RGS6: variants seen among roughly 807,000 people sequenced by gnomAD.
RGS6 encodes the protein regulator of G protein signaling 6.
RGS6 carries 30 observed loss-of-function variants against 78.5 expected under a neutral mutation model. The ratio of observed to expected loss-of-function variants is 0.38; its 90% CI spans 0.29 to 0.52. The LOEUF is 0.52. Ranked by LOEUF, RGS6 falls within the 20% of genes least tolerant of loss-of-function variation. The pLI is 0.85. For missense variants in RGS6, 495 were observed against 609.7 expected (o/e 0.81, Z 1.98); for synonymous variants, 206 against 206.0 (o/e 1.00, Z 0.00).
chr14:71,900,643 G>A, the RGS6 span, among the ~76,000 whole-genome samples: 4 of 152,222 alleles, frequency 2.6e-5, no homozygotes, highest in South Asian at 2.1e-4. Context: ...TATATCTTAC[G>A]AATCTTTGGT....
chr14:72,043,211 T>C (rs2092570447), intron 2 of RGS6, among the ~76,000 whole-genome samples: 1 of 152,178 alleles, frequency 6.6e-6, no homozygotes, highest in East Asian at 1.9e-4. Flanking sequence ...AGCTTTTAAT[T>C]GTCTTATGTT....
intron 3 of RGS6, among the ~76,000 whole-genome samples, chr14:72,393,476 G>A (rs1348245178): frequency 6.6e-6 from 1 of 152,174 alleles, no homozygotes; most frequent in African/African-American, 2.4e-5. Context: ...CAGGGATCTA[G>A]TCTAATCCTT....
chr14:72,562,812 ATAT>A lies in RGS6; in HGVS notation c.*352_*354del, dbSNP rs2097691826. ...CCTGTCACGACTATCACTTGAGATTATATTATTATCCTCACTCCCTCGCTGTCT... is the reference window on the plus strand; with the variant it reads ...CCTGTCACGACTATCACTTGAGATTATATTATCCTCACTCCCTCGCTGTCT... On this transcript the variant is annotated 3_prime_UTR_variant, in exon 18 of 18. Coordinates refer to ENST00000553525, the MANE Select transcript of RGS6 (RefSeq NM_001204424.2). The A allele has an allele frequency of 3.5e-6, 5 of 1,424,720 alleles. No homozygotes were observed. Among genetic ancestry groups the A allele is most frequent in the South Asian group, 1.2e-5 (1 of 81,856 alleles). The allele number at this position is 1,424,720 out of a possible 1,614,324, so 88.3% of individuals were successfully genotyped here.
chr14:72,119,141 T>C (rs941257897), intron 2 of RGS6, among the ~76,000 whole-genome samples: 1 of 152,106 alleles, frequency 6.6e-6, no homozygotes, highest in Non-Finnish European at 1.5e-5. Context: ...GGAATACAAA[T>C]TCAGTTTGCC....
intron 2 of RGS6, among the ~76,000 whole-genome samples, chr14:72,188,794 T>C (rs2097284998): frequency 6.6e-6 from 1 of 152,188 alleles, no homozygotes; most frequent in Non-Finnish European, 1.5e-5. Context: ...TAGGGATGAC[T>C]TCATTGCTCA....
intron 2 of RGS6, among the ~76,000 whole-genome samples, chr14:72,222,861 C>G (rs982817517): frequency 6.6e-6 from 1 of 152,140 alleles, no homozygotes; most frequent in African/African-American, 2.4e-5. Context: ...AATTGAACGG[C>G]CTTCAAGTTT....
chr14:72,323,159 A>C (rs150437368), intron 2 of RGS6, among the ~76,000 whole-genome samples: 1 of 152,190 alleles, frequency 6.6e-6, no homozygotes, highest in Non-Finnish European at 1.5e-5. Context: ...ACATGGAAAA[A>C]ATAGTATAAA....
At chr14:72,371,660 C>G (rs891167789) in intron 3 of RGS6, among the ~76,000 whole-genome samples, 11 of 152,118 alleles carry the variant, frequency 7.2e-5, no homozygotes, top group Non-Finnish European at 5.9e-5. Flanking sequence ...GCTCAGGAGG[C>G]TGAAGCAGGA....
At chr14:72,590,529 G>A in the RGS6 span, among the ~76,000 whole-genome samples, 3 of 152,078 alleles carry the variant, frequency 2.0e-5, no homozygotes, top group Non-Finnish European at 4.4e-5. Context: ...ACATAAAGAC[G>A]TACCCGTAAG....
In RGS6 at chr14:72,478,318, AG is replaced by A; in HGVS notation, c.844del (p.Val282TrpfsTer5). ...IDRHCLKMSK[V>X]AESLIAYTEQ... ...ACAGACATTGTTTGAAAATGTCCAA[AG>A]TGGCTGAAAGGTATGTTTTCCTTTA... On this transcript the variant is annotated frameshift_variant, in exon 12 of 18. Coordinates refer to ENST00000553525, the MANE Select transcript of RGS6 (RefSeq NM_001204424.2). LOFTEE classifies it high-confidence loss of function. The A allele has an allele frequency of 6.2e-7, 1 of 1,608,094 alleles. No individual in the cohort carries two copies. Among genetic ancestry groups the A allele is most frequent in the Non-Finnish European group, 8.5e-7 (1 of 1,174,856 alleles).
intron 2 of RGS6, among the ~76,000 whole-genome samples, chr14:72,039,748 T>G (rs2092176656): frequency 6.6e-6 from 1 of 151,972 alleles, no homozygotes; most frequent in Non-Finnish European, 1.5e-5. Flanking sequence ...TCTGTATATG[T>G]TGTATCTATC....
At chr14:71,972,947 A>G (rs1418119788) in intron 2 of RGS6, among the ~76,000 whole-genome samples, 1 of 152,182 alleles carries the variant, frequency 6.6e-6, no homozygotes, top group African/African-American at 2.4e-5. Flanking sequence ...TAGCTGTAGA[A>G]CTGGATTGCC....
At chr14:72,134,230 T>G (rs1010151689) in intron 2 of RGS6, among the ~76,000 whole-genome samples, 3 of 152,190 alleles carry the variant, frequency 2.0e-5, no homozygotes, top group South Asian at 2.1e-4. Context: ...CTGAATGTGT[T>G]GCCCATCTCT....
intron 3 of RGS6, among the ~76,000 whole-genome samples, chr14:72,399,513 G>A (rs918386319): frequency 6.6e-6 from 1 of 152,216 alleles, no homozygotes; most frequent in Admixed American, 6.5e-5. Flanking sequence ...TTTAATTAGA[G>A]CATTTGGCCC....
chr14:72,538,553 C>G (rs1170694749), intron 16 of RGS6, among the ~76,000 whole-genome samples: 1 of 152,224 alleles, frequency 6.6e-6, no homozygotes, highest in Admixed American at 6.5e-5. Flanking sequence ...AATGGCCACC[C>G]TCTGTGAGCC....
Position 71,995,972 on chromosome 14 carries a change from G to A in RGS6, c.84+31097G>A, listed in dbSNP as rs187885645. Among the ~76,000 whole-genome samples, 7 of 152,162 alleles carry A rather than the reference G, an allele frequency of 4.6e-5. No individual in the cohort carries two copies. The East Asian group carries it at 1.2e-3, about 25-fold the overall frequency. On this transcript the variant is annotated intron_variant, in intron 2 of 17. Coordinates refer to ENST00000553525, the MANE Select transcript of RGS6 (RefSeq NM_001204424.2). ...TGCTTTCTGCCTTCTGTGTTGTTTC[G>A]GTTCCAGTGACCAAGGGCACAGCTT...
chr14:72,151,399 A>G (rs1490937050), intron 2 of RGS6, among the ~76,000 whole-genome samples: 2 of 152,256 alleles, frequency 1.3e-5, no homozygotes, highest in Non-Finnish European at 2.9e-5. Flanking sequence ...GTTTTGATGA[A>G]AAAACTTAAT....
chr14:72,553,599 GA>G (rs2097534717), intron 17 of RGS6, among the ~76,000 whole-genome samples: 1 of 152,162 alleles, frequency 6.6e-6, no homozygotes, highest in South Asian at 2.1e-4. Context: ...GAGGGGTCCA[GA>G]AATGATGCTG....
chr14:72,566,631 A>T (rs188672823), downstream of RGS6: 371 of 3,046 alleles, frequency 0.12, 16 homozygotes, highest in African/African-American at 0.31. Context: ...CCCCATTATC[A>T]CACACACACA....
Sources: allele counts gnomAD v4.1 joint callset (sites outside exome capture counted in the v4.1 genomes callset), GRCh38; gene constraint gnomAD v4.1.1; transcripts MANE v1.5; gene names NCBI Gene and HGNC (gene_info 2026-07-23, HGNC 2026-07-21).